The following TAFA1 variants were observed in gnomAD, a reference collection of about 807,000 sequenced individuals.
TAFA1 encodes TAFA chemokine like family member 1, also known as chemokine-like protein TAFA-1.
Under a neutral mutation model 18.5 loss-of-function variants are expected in TAFA1, and 4 were observed. The ratio of observed to expected loss-of-function variants is 0.22; its 90% confidence interval spans 0.11 to 0.49. TAFA1 has a LOEUF of 0.49. Among genes scored for constraint, TAFA1 ranks in the 20% least tolerant of loss-of-function variants. The probability of loss-of-function intolerance (pLI) is 0.98; values close to 1 mark genes in which losing one functional copy is unlikely to be tolerated. For synonymous variants in TAFA1, 56 were observed against 55.2 expected, an observed-to-expected ratio of 1.01 and a Z score of -0.06; for missense variants, 147 against 169.0, an observed-to-expected ratio of 0.87 and a Z score of 0.72.
intron 3 of TAFA1, among the ~76,000 whole-genome samples, chr3:68,533,857 A>C (rs2073229839): frequency 6.6e-6 from 1 of 152,176 alleles, no homozygotes; most frequent in Admixed American, 6.5e-5. Context: ...TCCCTTTGGC[A>C]TAGTGAGTTT....
At chr3:68,513,769 G>GAGTA (rs2072882647) in intron 3 of TAFA1, among the ~76,000 whole-genome samples, 1 of 152,144 alleles carries the variant, frequency 6.6e-6, no homozygotes, top group Admixed American at 6.6e-5. Context: ...CAGGTCATCA[G>GAGTA]AGTAACTTGC....
chr3:68,378,701 G>A (rs2069869168), intron 2 of TAFA1, among the ~76,000 whole-genome samples: 1 of 152,110 alleles, frequency 6.6e-6, no homozygotes, highest in South Asian at 2.1e-4. Context: ...ATCTCAAATT[G>A]TAATTCCCAC....
chr3:68,241,050 A>C (rs2066991176), intron 2 of TAFA1, among the ~76,000 whole-genome samples: 1 of 152,204 alleles, frequency 6.6e-6, no homozygotes, highest in Admixed American at 6.5e-5. Context: ...CTATAGATAT[A>C]AATCGTCACA....
chr3:68,437,188 T>C (rs887880509), intron 3 of TAFA1, among the ~76,000 whole-genome samples: 2 of 152,164 alleles, frequency 1.3e-5, no homozygotes, highest in African/African-American at 4.8e-5. Flanking sequence ...TAACAGGCAA[T>C]GCAAAGAGGG....
At chr3:68,252,694 C>A (rs991603129) in intron 2 of TAFA1, among the ~76,000 whole-genome samples, 1 of 152,162 alleles carries the variant, frequency 6.6e-6, no homozygotes, top group Non-Finnish European at 1.5e-5. Context: ...TCTGGCTCTA[C>A]CACTTACTAA....
intron 2 of TAFA1, among the ~76,000 whole-genome samples, chr3:68,242,294 G>A (rs2067010070): frequency 6.6e-6 from 1 of 152,226 alleles, no homozygotes; most frequent in Admixed American, 6.5e-5. Flanking sequence ...ACATACACCA[G>A]AACTAATAAA....
chr3:68,182,255 C>T (rs1222647848), intron 2 of TAFA1, among the ~76,000 whole-genome samples: 1 of 152,046 alleles, frequency 6.6e-6, no homozygotes, highest in African/African-American at 2.4e-5. Context: ...ACTGTGTAAC[C>T]CTTAATGGAT....
intron 2 of TAFA1, among the ~76,000 whole-genome samples, chr3:68,062,110 C>A (rs2064611100): frequency 6.6e-6 from 1 of 152,144 alleles, no homozygotes; most frequent in Non-Finnish European, 1.5e-5. Context: ...CTCTTAGTGA[C>A]TATCACTTAT....
chr3:68,294,866 G>C (rs1239300451), intron 2 of TAFA1, among the ~76,000 whole-genome samples: 8 of 152,126 alleles, frequency 5.3e-5, no homozygotes, highest in African/African-American at 1.2e-4. Flanking sequence ...AACAGAGAGA[G>C]ATCGTGTCTC....
intron 2 of TAFA1, among the ~76,000 whole-genome samples, chr3:68,372,490 T>G (rs1485157400): frequency 6.6e-6 from 1 of 152,168 alleles, no homozygotes; most frequent in African/African-American, 2.4e-5. Flanking sequence ...CCAGGTGGGT[T>G]TGAAGATGGA....
intron 2 of TAFA1, 123 bp downstream of exon 2, chr3:68,006,867 C>T: frequency 1.4e-6 from 1 of 700,398 alleles, no homozygotes; most frequent in Non-Finnish European, 2.5e-6. Context: ...AATTCCAAGA[C>T]ATATTGTTGG....
intron 2 of TAFA1, among the ~76,000 whole-genome samples, chr3:68,214,962 G>A (rs2066637815): frequency 6.6e-6 from 1 of 151,902 alleles, no homozygotes; most frequent in Non-Finnish European, 1.5e-5. Flanking sequence ...TTGCTTAGAG[G>A]TTGTATATAC....
chr3:68,482,607 AC>A (rs1224333541), intron 3 of TAFA1, among the ~76,000 whole-genome samples: 1 of 151,964 alleles, frequency 6.6e-6, no homozygotes, highest in East Asian at 1.9e-4. Context: ...TTCATTTCCT[AC>A]TTCTCCTGGT....
At chr3:68,208,396 C>T (rs563376357) in intron 2 of TAFA1, among the ~76,000 whole-genome samples, 13 of 152,026 alleles carry the variant, frequency 8.6e-5, no homozygotes, top group African/African-American at 2.9e-4. Context: ...CTTTTGGCCC[C>T]AAGAAACTTC....
At chr3:68,289,276 A>G (rs976920276) in intron 2 of TAFA1, among the ~76,000 whole-genome samples, 1 of 152,162 alleles carries the variant, frequency 6.6e-6, no homozygotes, top group African/African-American at 2.4e-5. Flanking sequence ...CACTCTTCTA[A>G]TGGTGTCTTT....
At chr3:68,391,603 C>A (rs2070249526) in intron 2 of TAFA1, among the ~76,000 whole-genome samples, 2 of 152,068 alleles carry the variant, frequency 1.3e-5, no homozygotes, top group East Asian at 3.9e-4. Flanking sequence ...TTAAGGACAG[C>A]CAGAGAGAAA....
At chr3:68,526,508 C>T (rs1428964915) in intron 3 of TAFA1, among the ~76,000 whole-genome samples, 1 of 152,082 alleles carries the variant, frequency 6.6e-6, no homozygotes, top group Non-Finnish European at 1.5e-5. Flanking sequence ...AGATCAACTG[C>T]ACAGTGGAAT....
intron 3 of TAFA1, among the ~76,000 whole-genome samples, chr3:68,440,670 C>T (rs2071359725): frequency 6.6e-6 from 1 of 152,114 alleles, no homozygotes; most frequent in East Asian, 1.9e-4. Flanking sequence ...AGGGTCTGGG[C>T]CATTTGTAGT....
At chr3:68,288,690 T>TTG (rs1163008157) in intron 2 of TAFA1, among the ~76,000 whole-genome samples, 1 of 152,220 alleles carries the variant, frequency 6.6e-6, no homozygotes, top group Non-Finnish European at 1.5e-5. Flanking sequence ...ATTCTTTGTT[T>TTG]ATTCGTCTTA....
Sources: allele counts gnomAD v4.1 joint callset (sites outside exome capture counted in the v4.1 genomes callset), GRCh38; gene constraint gnomAD v4.1.1; transcripts MANE v1.5; gene names NCBI Gene and HGNC (gene_info 2026-07-23, HGNC 2026-07-21).